Variants in MT1F observed in about 807,000 individuals in gnomAD.
MT1F encodes the protein metallothionein 1F.
In MT1F, 6 loss-of-function variants were observed where a neutral mutation model predicts 5.4. That is an observed-to-expected ratio of 1.11 (90% CI 0.61 to 2.19). MT1F has a LOEUF of 2.19. MT1F is among the 30% of genes most tolerant of loss of function. MT1F has a pLI of 0.00. For synonymous variants in MT1F, 28 were observed against 28.3 expected (o/e 0.99, Z 0.04); for missense variants, 82 against 77.0 (o/e 1.07, Z -0.24).
intron 2 of MT1F, 49 bp from the exon 3 acceptor site, chr16:56,659,024 G>T: frequency 6.5e-7 from 1 of 1,541,628 alleles, no homozygotes; most frequent in Non-Finnish European, 9.0e-7. Flanking sequence ...GGGGAGGGAG[G>T]TCCCTGGGCA....
chr16:56,658,825 G>A lies in MT1F; in HGVS notation c.94+85G>A, dbSNP rs146058184. 7 of 1,524,908 alleles carry A rather than the reference G, an allele frequency of 4.6e-6. No individual in the cohort carries two copies. The African/African-American group carries it at 8.2e-5, about 18-fold the overall frequency. 94.5% of individuals were successfully genotyped at this position (1,524,908 alleles called of 1,614,324 possible). On this transcript the variant is annotated intron_variant, in intron 2 of 2. Coordinates refer to ENST00000334350, the MANE Select transcript of MT1F (RefSeq NM_005949.4). The stretch of plus-strand genomic sequence containing the variant: ...GGCTGGCCCTGAGTGCATGCTTCTG[G>A]GGAACTGGCCTTCCTTTGTCCCCGT...
intron 1 of MT1F, 75 bp downstream of exon 1, chr16:56,658,161 A>T: frequency 6.4e-7 from 1 of 1,563,432 alleles, no homozygotes; most frequent in Non-Finnish European, 8.8e-7. Flanking sequence ...GGGTTTGAGA[A>T]GGTCGTATTT....
In MT1F at chr16:56,659,187, G is replaced by C; in HGVS notation, c.*23G>C. 6.2e-7 allele frequency: 1 copy of C among 1,612,446 alleles called. No individual in the cohort carries two copies. The highest frequency in any genetic ancestry group is 1.7e-5 in the Admixed American group (1 of 59,860). ...TGATGCCAGGACAACCTTTCTCCCA[G>C]ATGTAAACAGAGAGACATGTACAAA... On this transcript the variant is annotated 3_prime_UTR_variant, in exon 3 of 3. Transcript: ENST00000334350.
At chr16:56,658,990 G>A in intron 2 of MT1F, 83 bp from the exon 3 acceptor site, 1 of 1,261,444 alleles carries the variant, frequency 7.9e-7, no homozygotes, top group Non-Finnish European at 1.2e-6. Flanking sequence ...TTTGTGGCTG[G>A]AGGCTCTGTT....
intron 1 of MT1F, chr16:56,658,449 G>A: frequency 1.7e-6 from 1 of 605,842 alleles, no homozygotes; most frequent in Non-Finnish European, 2.9e-6. Flanking sequence ...TTCCCAGGCT[G>A]TGCCTGGAGC....
Position 56,659,074 on chromosome 16 carries a change from C to A in MT1F, c.96C>A (p.Ser32Arg). 1 of 1,613,614 alleles carries A rather than the reference C, an allele frequency of 6.2e-7. No homozygotes were observed. ...KECKCTSCKKSCCSCCPVGCS... is the reference protein window; with the variant it reads ...KECKCTSCKKRCCSCCPVGCS... ...TCTCATGCTCCTCTTCTTCCCCAGG[C>A]TGCTGCTCCTGCTGCCCCGTGGGCT... The change falls in exon 3 of 3, where the codon AGC (serine) becomes AGA (arginine). Residue 32 changes from serine (S) to arginine (R), a missense_variant and splice_region_variant. Physicochemically the swap from Ser to Arg is moderately radical, Grantham distance 110. Transcript: ENST00000334350.
At chr16:56,658,918 C>G in intron 2 of MT1F, 155 bp from the exon 3 acceptor site, 2 of 1,048,488 alleles carry the variant, frequency 1.9e-6, no homozygotes, top group Non-Finnish European at 2.9e-6. Flanking sequence ...CATAGGAAGA[C>G]CCACCCCAGA....
chr16:56,658,308 C>T (rs1567350941), intron 1 of MT1F: 2 of 606,698 alleles, frequency 3.3e-6, no homozygotes, highest in Non-Finnish European at 5.8e-6. Flanking sequence ...TCCTGCTCCA[C>T]GTCATGCGGT....
At chr16:56,658,836 T>C in intron 2 of MT1F, 96 bp downstream of exon 2, 2 of 1,478,090 alleles carry the variant, frequency 1.4e-6, no homozygotes, top group Non-Finnish European at 1.9e-6. Flanking sequence ...GGAACTGGCC[T>C]TCCTTTGTCC....
At chr16:56,658,633 G>A in intron 1 of MT1F, 42 bp from the exon 2 acceptor site, 2 of 1,608,458 alleles carry the variant, frequency 1.2e-6, no homozygotes, top group Non-Finnish European at 1.7e-6. Flanking sequence ...ACCTCCTGCA[G>A]GTCACTCGCC....
At position 56,658,678 on chromosome 16, in the gene MT1F, T is replaced by A. The variant is rs1960651894; in HGVS notation, c.32T>A (p.Val11Asp). The A allele has an allele frequency of 6.2e-7, 1 of 1,613,976 alleles. No homozygotes were observed. Among genetic ancestry groups the A allele is most frequent in the Admixed American group, 1.7e-5 (1 of 60,008 alleles). MDPNCSCAAG[V>D]SCTCAGSCKC... ...CTTTTTTTTCTCTTTCTCGCAGGTG[T>A]CTCCTGCACCTGCGCTGGTTCCTGC... Residue 11 changes from valine (V) to aspartate (D), a missense_variant, in exon 2 of 3, where the codon GTC becomes GAC. By Grantham distance (152) the Val-to-Asp change is radical (BLOSUM62 -3). Coordinates refer to ENST00000334350, the MANE Select transcript of MT1F (RefSeq NM_005949.4).
Position 56,658,708 on chromosome 16 carries a change from G to A in MT1F, c.62G>A (p.Cys21Tyr). The A allele has an allele frequency of 6.2e-7, 1 of 1,614,202 alleles. No homozygotes were observed. Among genetic ancestry groups the A allele is most frequent in the South Asian group, 1.1e-5 (1 of 91,086 alleles). ...VSCTCAGSCKCKECKCTSCKK... is the reference protein window; with the variant it reads ...VSCTCAGSCKYKECKCTSCKK... ...TGCACCTGCGCTGGTTCCTGCAAGT[G>A]CAAAGAGTGCAAATGCACCTCCTGC... Residue 21 changes from cysteine (C) to tyrosine (Y), a missense_variant, in exon 2 of 3, where the codon TGC becomes TAC. Coordinates refer to ENST00000334350, the MANE Select transcript of MT1F (RefSeq NM_005949.4).
chr16:56,658,832 G>C, intron 2 of MT1F, 92 bp downstream of exon 2: 1 of 1,502,184 alleles, frequency 6.7e-7, no homozygotes, highest in Non-Finnish European at 9.3e-7. Flanking sequence ...CTGGGGAACT[G>C]GCCTTCCTTT....
At chr16:56,658,923 C>G in intron 2 of MT1F, 150 bp from the exon 3 acceptor site, 1 of 1,042,644 alleles carries the variant, frequency 9.6e-7, no homozygotes. Flanking sequence ...GAAGACCCAC[C>G]CCAGATATTT....
Position 56,659,064 on chromosome 16 carries a change from C to T in MT1F, c.95-9C>T, listed in dbSNP as rs1960659163. 6.2e-7 allele frequency: 1 copy of T among 1,613,168 alleles called. No individual in the cohort carries two copies. The highest frequency in any genetic ancestry group is 8.5e-7 in the Non-Finnish European group (1 of 1,179,670). On this transcript the variant is annotated splice_polypyrimidine_tract_variant and intron_variant, in intron 2 of 2. Coordinates refer to ENST00000334350, the MANE Select transcript of MT1F (RefSeq NM_005949.4). Reference sequence around the variant, plus strand: ...GGCTGTGACCTCTCATGCTCCTCTTCTTCCCCAGGCTGCTGCTCCTGCTGC... The same window carrying T: ...GGCTGTGACCTCTCATGCTCCTCTTTTTCCCCAGGCTGCTGCTCCTGCTGC...
intron 1 of MT1F, chr16:56,658,329 GC>G: frequency 1.7e-6 from 1 of 596,586 alleles, no homozygotes; most frequent in Non-Finnish European, 3.0e-6. Context: ...TTGTCCCAGG[GC>G]TGTTGGCTGA....
chr16:56,658,406 C>T (rs960469520), intron 1 of MT1F: 4 of 590,936 alleles, frequency 6.8e-6, no homozygotes, highest in African/African-American at 1.9e-5. Flanking sequence ...ATTGCCTCTT[C>T]GGGGTTCAGG....
Position 56,659,209 on chromosome 16 carries a change from C to A in MT1F, c.*45C>A. 1 of 1,591,572 alleles carries A rather than the reference C, an allele frequency of 6.3e-7. No homozygotes were observed. Among genetic ancestry groups the A allele is most frequent in the Non-Finnish European group, 8.6e-7 (1 of 1,163,118 alleles). ...CCAGATGTAAACAGAGAGACATGTACAAACCTGGATTTTTTTTTTATACCA... is the reference window on the plus strand; with the variant it reads ...CCAGATGTAAACAGAGAGACATGTAAAAACCTGGATTTTTTTTTTATACCA... On this transcript the variant is annotated 3_prime_UTR_variant, in exon 3 of 3. Transcript: ENST00000334350.
Position 56,658,714 on chromosome 16 carries a change from A to G in MT1F, c.68A>G (p.Glu23Gly), listed in dbSNP as rs1000517726. Residue 23 changes from glutamate to glycine, a missense_variant, in exon 2 of 3, where the codon GAG becomes GGG. Transcript: ENST00000334350. ...TGCGCTGGTTCCTGCAAGTGCAAAG[A>G]GTGCAAATGCACCTCCTGCAAGAAG... ...CTCAGSCKCK[E>G]CKCTSCKKSC... The G allele has an allele frequency of 3.1e-6, 5 of 1,614,200 alleles. No individual in the cohort carries two copies. Among genetic ancestry groups the G allele is most frequent in the Non-Finnish European group, 4.2e-6 (5 of 1,180,016 alleles).
Sources: gnomAD v4.1 joint callset for allele counts on GRCh38, gnomAD v4.1.1 for gene constraint, MANE v1.5 for transcripts, NCBI Gene and HGNC (gene_info 2026-07-23, HGNC 2026-07-21) for gene names.